The following N4BP2L2 variants were observed in gnomAD, a reference collection of about 807,000 sequenced individuals.
N4BP2L2 encodes NEDD4-binding protein 2-like 2.
N4BP2L2 carries 50 observed loss-of-function variants against 56.2 expected under a neutral mutation model. The ratio of observed to expected loss-of-function variants is 0.89; its 90% CI spans 0.71 to 1.13. N4BP2L2 has a LOEUF of 1.13. Ranked by LOEUF, N4BP2L2 falls within the 50% of genes most tolerant of loss-of-function variation. N4BP2L2 has a pLI of 0.00. For missense variants in N4BP2L2, 689 were observed against 693.8 expected (o/e 0.99, Z 0.08); for synonymous variants, 203 against 223.6 (o/e 0.91, Z 0.82).
chr13:32,522,118 AT>A, intron 4 of N4BP2L2, 63 bp downstream of exon 4: 1 of 1,131,928 alleles, frequency 8.8e-7, no homozygotes. Context: ...ACCAGCCAAA[AT>A]TTTAGAATGT....
At chr13:32,526,216 A>G (rs380916) in intron 3 of N4BP2L2, among the ~76,000 whole-genome samples, 120,422 of 152,074 alleles carry the variant, frequency 0.79, 47,959 homozygotes, top group East Asian at 0.82. Flanking sequence ...ATGGTATGAG[A>G]GTTAAAAGAA....
At chr13:32,443,647 T>G in exon 7 of N4BP2L2, 1 of 1,611,614 alleles carries the variant, frequency 6.2e-7, no homozygotes, top group Non-Finnish European at 8.5e-7. Flanking sequence ...TCTAATATGC[T>G]TTTCTACCTT....
exon 6 of N4BP2L2, chr13:32,516,719 A>C (rs544299770): frequency 4.6e-6 from 1 of 218,180 alleles, no homozygotes; most frequent in East Asian, 1.8e-4. Context: ...GTAAATCAAA[A>C]AAGTAAATCA....
intron 6 of N4BP2L2, among the ~76,000 whole-genome samples, chr13:32,455,594 T>G (rs1308269953): frequency 6.6e-6 from 1 of 152,190 alleles, no homozygotes; most frequent in Non-Finnish European, 1.5e-5. Flanking sequence ...TCAACACTTT[T>G]GCAACCACCT....
intron 6 of N4BP2L2, chr13:32,504,816 G>C (rs1179715031): frequency 6.6e-6 from 1 of 152,178 alleles, no homozygotes; most frequent in African/African-American, 2.4e-5. Context: ...TGTGAAACTA[G>C]ACAAGTTATT....
At chr13:32,492,037 A>G (rs902684950) in intron 6 of N4BP2L2, among the ~76,000 whole-genome samples, 2 of 152,200 alleles carry the variant, frequency 1.3e-5, no homozygotes, top group Non-Finnish European at 2.9e-5. Context: ...AAGTCTTTTC[A>G]TATATTCCCC....
chr13:32,434,607 C>T (rs982460326), intron 9 of N4BP2L2, among the ~76,000 whole-genome samples: 1 of 152,062 alleles, frequency 6.6e-6, no homozygotes, highest in Non-Finnish European at 1.5e-5. Context: ...CATTAAACAC[C>T]CTGGCAACCA....
At chr13:32,493,216 T>C (rs1321990055) in intron 6 of N4BP2L2, among the ~76,000 whole-genome samples, 3 of 152,032 alleles carry the variant, frequency 2.0e-5, no homozygotes, top group Admixed American at 6.6e-5. Flanking sequence ...TGAGCCACCG[T>C]GCCCAGTCTC....
At chr13:32,465,640 A>C (rs2138805396) in intron 6 of N4BP2L2, among the ~76,000 whole-genome samples, 1 of 152,280 alleles carries the variant, frequency 6.6e-6, no homozygotes, top group East Asian at 1.9e-4. Context: ...TAAAATGGAA[A>C]ATGCATATTT....
At chr13:32,519,563 G>C (rs1404674171) in intron 5 of N4BP2L2, among the ~76,000 whole-genome samples, 1 of 152,130 alleles carries the variant, frequency 6.6e-6, no homozygotes, top group Non-Finnish European at 1.5e-5. Context: ...GGCTGAAGCA[G>C]GGGAATCGCT....
At chr13:32,514,628 G>T (rs1194906233) in exon 6 of N4BP2L2, 1 of 151,860 alleles carries the variant, frequency 6.6e-6, no homozygotes, top group African/African-American at 2.4e-5. Flanking sequence ...AACAGAAAGA[G>T]ACCTCATCTC....
chr13:32,506,378 G>A (rs1049680300), downstream of N4BP2L2: 1 of 152,084 alleles, frequency 6.6e-6, no homozygotes, highest in Non-Finnish European at 1.5e-5. Context: ...TATCAGTTGG[G>A]TGTCTGTGTG....
chr13:32,461,002 T>G (rs2079955908), intron 6 of N4BP2L2, among the ~76,000 whole-genome samples: 1 of 152,004 alleles, frequency 6.6e-6, no homozygotes, highest in African/African-American at 2.4e-5. Flanking sequence ...ACCAAGAACA[T>G]ACATTAGGGA....
intron 6 of N4BP2L2, among the ~76,000 whole-genome samples, chr13:32,491,892 A>C (rs2087192129): frequency 6.6e-6 from 1 of 152,072 alleles, no homozygotes; most frequent in Non-Finnish European, 1.5e-5. Context: ...GGCGTCCCAA[A>C]GTGCTGGGAT....
At chr13:32,519,508 T>A (rs941955817) in intron 5 of N4BP2L2, among the ~76,000 whole-genome samples, 1 of 151,846 alleles carries the variant, frequency 6.6e-6, no homozygotes, top group African/African-American at 2.4e-5. Context: ...ATACAAAAAA[T>A]AGCCAGGCGT....
intron 6 of N4BP2L2, among the ~76,000 whole-genome samples, chr13:32,474,718 G>A (rs1478157419): frequency 6.6e-6 from 1 of 152,132 alleles, no homozygotes; most frequent in Admixed American, 6.5e-5. Flanking sequence ...AAATAAAAAT[G>A]TGATTTAGCC....
At chr13:32,437,155 T>G (rs1202548590) in intron 8 of N4BP2L2, among the ~76,000 whole-genome samples, 5 of 152,132 alleles carry the variant, frequency 3.3e-5, no homozygotes, top group Admixed American at 6.5e-5. Flanking sequence ...AATGCTGGGA[T>G]TATAGGCATG....
chr13:32,513,414 GGACTGT>G (rs1305794406), exon 6 of N4BP2L2: 13 of 152,126 alleles, frequency 8.5e-5, no homozygotes, highest in Admixed American at 7.9e-4. Flanking sequence ...ACCAGCCTAA[GGACTGT>G]GTAAGAAGGA....
chr13:32,536,910 T>A, exon 2 of N4BP2L2: 2 of 1,614,092 alleles, frequency 1.2e-6, no homozygotes. Context: ...AAATCAGCAT[T>A]ACTATGATTG....
Sources: allele counts gnomAD v4.1 joint callset (sites outside exome capture counted in the v4.1 genomes callset), GRCh38; gene constraint gnomAD v4.1.1; transcripts MANE v1.5; gene names NCBI Gene and HGNC (gene_info 2026-07-23, HGNC 2026-07-21).